SLC14A2: variants seen among roughly 807,000 people sequenced by gnomAD.
SLC14A2 encodes the protein solute carrier family 14 member 2.
Under a neutral mutation model 104.6 loss-of-function variants are expected in SLC14A2, and 91 were observed. The observed-to-expected ratio is 0.87, with a 90% CI of 0.73 to 1.04. The LOEUF is 1.04. Ranked by LOEUF, SLC14A2 falls within the 50% of genes least tolerant of loss-of-function variation. The probability of loss-of-function intolerance (pLI) is 0.00; values close to 1 mark genes in which losing one functional copy is unlikely to be tolerated. For missense variants in SLC14A2, 1,189 were observed against 1,156.0 expected, an observed-to-expected ratio of 1.03 and a Z score of -0.41; for synonymous variants, 476 against 466.4, an observed-to-expected ratio of 1.02 and a Z score of -0.27.
chr18:45,485,675 T>G (rs1036442259), intron 2 of SLC14A2, among the ~76,000 whole-genome samples: 3 of 152,180 alleles, frequency 2.0e-5, no homozygotes, highest in Non-Finnish European at 4.4e-5. Flanking sequence ...TTCTTATAGT[T>G]TTTTCTTCCC....
chr18:45,369,540 C>T (rs772753911), intron 1 of SLC14A2, among the ~76,000 whole-genome samples: 3 of 152,060 alleles, frequency 2.0e-5, no homozygotes, highest in South Asian at 2.1e-4. Context: ...CGTGTTCCAA[C>T]GAGGATAAAC....
At chr18:45,243,745 C>A (rs1402853348) in intron 1 of SLC14A2, among the ~76,000 whole-genome samples, 1 of 152,170 alleles carries the variant, frequency 6.6e-6, no homozygotes, top group African/African-American at 2.4e-5. Flanking sequence ...CCAGTTGTGG[C>A]TGAGAGACTG....
intron 3 of SLC14A2, 141 bp from the exon 4 acceptor site, chr18:45,626,815 CCT>C: frequency 6.9e-6 from 3 of 431,680 alleles, no homozygotes; most frequent in Admixed American, 3.4e-5. Context: ...TACCCCCACC[CCT>C]CCACCCCGAC....
rs969219277 is a variant in SLC14A2, at chr18:45,672,781, A to G, written c.2230-119A>G. ...TTAACCTATTTGAATAGAAACAAAA[A>G]TCCTGGACATCCATTGCAAAATGTT... On this transcript the variant is annotated intron_variant, in intron 16 of 19. Transcript: ENST00000255226. 13 of 839,122 alleles carry G rather than the reference A, an allele frequency of 1.5e-5. No homozygotes were observed. The African/African-American group carries it at 2.2e-4, about 14-fold the overall frequency. The allele number at this position is 839,122 out of a possible 1,614,324, so 52.0% of individuals were successfully genotyped here.
At position 45,342,167 on chromosome 18, in the gene SLC14A2, A is replaced by C. The variant is rs78861346; in HGVS notation, c.-125+128976A>C. ...GAGGTTCGGTATTCGCTAATTCAGG[A>C]TTTATGGCAACATTGTTGAACAGAA... On this transcript the variant is annotated intron_variant, in intron 1 of 20. Coordinates refer to the SLC14A2 transcript ENST00000586448. 9.2e-3 allele frequency among the ~76,000 whole-genome samples: 1,402 copies of C among 152,302 alleles called. 25 individuals carry two copies. Among genetic ancestry groups the C allele is most frequent in the African/African-American group, 0.032 (1,332 of 41,560 alleles).
At chr18:45,297,629 C>T (rs1300482749) in intron 1 of SLC14A2, among the ~76,000 whole-genome samples, 5 of 151,836 alleles carry the variant, frequency 3.3e-5, no homozygotes, top group African/African-American at 7.3e-5. Flanking sequence ...TATATCCACT[C>T]GGTTGATCCA....
intron 2 of SLC14A2, among the ~76,000 whole-genome samples, chr18:45,495,896 G>A (rs1371785211): frequency 6.6e-6 from 1 of 152,180 alleles, no homozygotes; most frequent in African/African-American, 2.4e-5. Flanking sequence ...CAGCACCTTG[G>A]CAAGCGCCAA....
intron 2 of SLC14A2, among the ~76,000 whole-genome samples, chr18:45,587,212 T>G (rs1191345485): frequency 6.6e-6 from 1 of 152,188 alleles, no homozygotes; most frequent in Non-Finnish European, 1.5e-5. Context: ...TGGCCTCAAG[T>G]GATCCGCCTG....
chr18:45,583,488 G>A (rs1371788325), intron 2 of SLC14A2, among the ~76,000 whole-genome samples: 1 of 152,136 alleles, frequency 6.6e-6, no homozygotes, highest in East Asian at 1.9e-4. Flanking sequence ...CCTAAAAGCA[G>A]GACTGTGATT....
chr18:45,636,976 T>C lies in SLC14A2; in HGVS notation c.651-14T>C, dbSNP rs1183985661. On this transcript the variant is annotated splice_polypyrimidine_tract_variant and intron_variant, in intron 5 of 19. Transcript: ENST00000255226. ...ATGTCACAGGGATTAACCCTCTGTC[T>C]CTTGCATCTTCAGCCCAGTTCTTTC... The C allele has an allele frequency of 1.9e-6, 3 of 1,610,348 alleles. No individual in the cohort carries two copies. The South Asian group carries it at 3.3e-5, about 18-fold the overall frequency.
At chr18:45,644,567 G>C (rs1446509202) in intron 10 of SLC14A2, among the ~76,000 whole-genome samples, 2 of 152,124 alleles carry the variant, frequency 1.3e-5, no homozygotes, top group Non-Finnish European at 2.9e-5. Context: ...GAGTAGGGGG[G>C]TAAGTCAGGG....
At position 45,625,714 on chromosome 18, in the gene SLC14A2, T is replaced by C; in HGVS notation, c.182T>C (p.Ile61Thr). The C allele has an allele frequency of 6.4e-7, 1 of 1,563,124 alleles. No homozygotes were observed. Among genetic ancestry groups the C allele is most frequent in the Non-Finnish European group, 8.6e-7 (1 of 1,160,060 alleles). Residue 61 changes from isoleucine to threonine, a missense_variant, in exon 3 of 20, where the codon ATT becomes ACT. Transcript: ENST00000255226. ...DLRSSNEDSH[I>T]VKIEKLNERS... The stretch of plus-strand genomic sequence containing the variant: ...CGGTCTTCCAATGAAGACAGTCACA[T>C]TGTGAAGATCGAAAAGCTCAATGAA...
At chr18:45,307,400 A>G (rs1436758719) in intron 1 of SLC14A2, among the ~76,000 whole-genome samples, 1 of 144,562 alleles carries the variant, frequency 6.9e-6, no homozygotes, top group Non-Finnish European at 1.5e-5. Flanking sequence ...CCTGGGTGAC[A>G]GAGTGAGACT....
chr18:45,317,330 C>A (rs2085139715), intron 1 of SLC14A2, among the ~76,000 whole-genome samples: 1 of 152,174 alleles, frequency 6.6e-6, no homozygotes, highest in African/African-American at 2.4e-5. Context: ...CTACTATGTG[C>A]CAGACATCAT....
chr18:45,664,403 G>C (rs937541260), intron 11 of SLC14A2, among the ~76,000 whole-genome samples: 2 of 152,234 alleles, frequency 1.3e-5, no homozygotes, highest in Non-Finnish European at 2.9e-5. Flanking sequence ...GGCCGCTAAA[G>C]CTGAACAAGT....
At chr18:45,575,789 C>CT (rs201958253) in intron 2 of SLC14A2, among the ~76,000 whole-genome samples, 367 of 143,558 alleles carry the variant, frequency 2.6e-3, no homozygotes, top group African/African-American at 7.6e-3. Context: ...TTGTCTTGTT[C>CT]TTTTTTTTTT....
At chr18:45,491,083 G>T (rs1197896204) in intron 2 of SLC14A2, among the ~76,000 whole-genome samples, 2 of 152,200 alleles carry the variant, frequency 1.3e-5, no homozygotes, top group Non-Finnish European at 2.9e-5. Flanking sequence ...CATACCCTAT[G>T]ACAACTAGTT....
chr18:45,500,065 TAAG>T (rs2043167081), intron 2 of SLC14A2, among the ~76,000 whole-genome samples: 1 of 152,172 alleles, frequency 6.6e-6, no homozygotes. Flanking sequence ...AATATAATTA[TAAG>T]AAGCCGCAAA....
At chr18:45,637,895 C>T (rs956621031) in intron 6 of SLC14A2, among the ~76,000 whole-genome samples, 1 of 152,168 alleles carries the variant, frequency 6.6e-6, no homozygotes, top group African/African-American at 2.4e-5. Context: ...CCTGACTGCC[C>T]TTCACACCAG....
Sources: allele counts gnomAD v4.1 joint callset (sites outside exome capture counted in the v4.1 genomes callset), GRCh38; gene constraint gnomAD v4.1.1; transcripts MANE v1.5; gene names NCBI Gene and HGNC (gene_info 2026-07-23, HGNC 2026-07-21).